Variants in GOLGA8G observed in about 807,000 individuals in gnomAD.
The protein encoded by GOLGA8G is golgin subfamily A member 8G.
A neutral mutation model predicts 12.8 loss-of-function variants in GOLGA8G; 1 was observed. That is an observed-to-expected ratio of 0.08 (90% CI 0.03 to 0.37). The LOEUF (loss-of-function observed/expected upper bound fraction) is 0.37, where lower values mean the gene tolerates loss of function less well. Ranked by LOEUF, GOLGA8G falls within the 10% of genes least tolerant of loss-of-function variation. The pLI is 0.99. For missense variants in GOLGA8G, 12 were observed against 97.4 expected, an observed-to-expected ratio of 0.12 and a Z score of 3.69; for synonymous variants, 9 against 36.7, an observed-to-expected ratio of 0.25 and a Z score of 2.73.
chr15:28,526,313 G>GGAAGCCTCTCCTGCTGCTCCT lies in GOLGA8G; in HGVS notation c.1091_1111dup (p.Gln364_Leu370dup). The GGAAGCCTCTCCTGCTGCTCCT allele has an allele frequency of 1.6e-5, 8 of 496,632 alleles. 2 individuals are homozygous for GGAAGCCTCTCCTGCTGCTCCT. Among genetic ancestry groups the GGAAGCCTCTCCTGCTGCTCCT allele is most frequent in the Admixed American group, 7.4e-5 (2 of 27,028 alleles). The allele number at this position is 496,632 out of a possible 1,614,324, so 30.8% of individuals were successfully genotyped here. A position where few individuals can be genotyped will look rare whatever the true frequency, so the allele number is the denominator to read the frequency against. On this transcript the variant is annotated inframe_insertion, in exon 12 of 19. Coordinates refer to ENST00000525590, the MANE Select transcript of GOLGA8G (RefSeq NM_001350919.3). ...CTGCTGAAGCCTCTCCTCCTGCTCT[G>GGAAGCCTCTCCTGCTGCTCCT]GAAGCCTCTCCTGCTGCTCCTGAAG...
At chr15:28,529,918 CA>C in intron 4 of GOLGA8G, 181 bp downstream of exon 4, 1 of 472,864 alleles carries the variant, frequency 2.1e-6, no homozygotes, top group South Asian at 2.1e-5. Context: ...AGTCAGCAAA[CA>C]GGGCAGCAAA....
In GOLGA8G at chr15:28,521,290, C is replaced by CTTTT; in HGVS notation, c.*1282_*1283insAAAA. 1 of 128,050 alleles carries CTTTT rather than the reference C, an allele frequency of 7.8e-6. No homozygotes were observed. The highest frequency in any genetic ancestry group is 1.6e-5 in the Non-Finnish European group (1 of 62,454). 7.9% of individuals were successfully genotyped at this position (128,050 alleles called of 1,614,324 possible). A position where few individuals can be genotyped will look rare whatever the true frequency, so the allele number is the denominator to read the frequency against. ...CTACTAAAACTCCTTTTTGTTTCAA[C>CTTTT]TAAGCACTCTCACATATATTAGTTT... is the stretch of plus-strand genomic sequence containing the variant. On this transcript the variant is annotated 3_prime_UTR_variant, in exon 19 of 19. Transcript: ENST00000525590.
chr15:28,531,396 GC>G (rs2078657114), intron 1 of GOLGA8G, among the ~76,000 whole-genome samples: 1 of 111,852 alleles, frequency 8.9e-6, no homozygotes, highest in Admixed American at 8.7e-5. Flanking sequence ...ATCATCAGCT[GC>G]CAGGGACCAA....
Position 28,521,260 on chromosome 15 carries a change from A to AAAG in GOLGA8G, c.*1312_*1313insCTT, listed in dbSNP as rs2078526913. On this transcript the variant is annotated 3_prime_UTR_variant, in exon 19 of 19. Transcript: ENST00000525590. The stretch of plus-strand genomic sequence containing the variant: ...CCTTGATTTTCAAAGATAGTATAAT[A>AAAG]CTGTCTACTAAAACTCCTTTTTGTT... The AAAG allele has an allele frequency of 8.6e-6, 1 of 116,290 alleles. No individual in the cohort carries two copies. The highest frequency in any genetic ancestry group is 1.7e-5 in the Non-Finnish European group (1 of 57,894). The allele number at this position is 116,290 out of a possible 1,614,324, so 7.2% of individuals were successfully genotyped here.
intron 1 of GOLGA8G, chr15:28,531,941 CT>C (rs1751270826): frequency 6.7e-6 from 1 of 148,812 alleles, no homozygotes; most frequent in Admixed American, 6.7e-5. Context: ...TAAAATCTCT[CT>C]GGAAAGTAGA....
chr15:28,532,720 G>T, intron 1 of GOLGA8G, 106 bp downstream of exon 1: 2 of 228,712 alleles, frequency 8.7e-6, no homozygotes, highest in Non-Finnish European at 1.3e-5. Flanking sequence ...CGGTGTGGGG[G>T]TCCCAGTCCG....
At chr15:28,529,801 A>AG (rs2078636457) in intron 4 of GOLGA8G, 1 of 612,338 alleles carries the variant, frequency 1.6e-6, no homozygotes, top group Non-Finnish European at 2.9e-6. Context: ...GAGTCATGGC[A>AG]GAAATACGGG....
Position 28,521,468 on chromosome 15 carries a change from G to A in GOLGA8G, c.*1105C>T, listed in dbSNP as rs2078532001. On this transcript the variant is annotated 3_prime_UTR_variant, in exon 19 of 19. Coordinates refer to ENST00000525590, the MANE Select transcript of GOLGA8G (RefSeq NM_001350919.3). ...CCTCAAAGAAGCTCCATGAACAGAG[G>A]AATGCCAGGTGTCACACAGCTTTCC... 2 of 151,726 alleles carry A rather than the reference G, an allele frequency of 1.3e-5. No individual in the cohort carries two copies. The highest frequency in any genetic ancestry group is 2.9e-5 in the Non-Finnish European group (2 of 68,028). 9.4% of individuals were successfully genotyped at this position (151,726 alleles called of 1,614,324 possible). A position where few individuals can be genotyped will look rare whatever the true frequency, so the allele number is the denominator to read the frequency against.
rs2078526376 is a variant in GOLGA8G at position 28,521,232 on chromosome 15, TCTC to T, written c.*1338_*1340del. On this transcript the variant is annotated 3_prime_UTR_variant, in exon 19 of 19. Coordinates refer to ENST00000525590, the MANE Select transcript of GOLGA8G (RefSeq NM_001350919.3). Reference sequence around the variant, plus strand: ...GTACACATTTTAAGTTGCATAAACTTCTCCTTGATTTTCAAAGATAGTATAATA... The same window carrying T: ...GTACACATTTTAAGTTGCATAAACTTCTTGATTTTCAAAGATAGTATAATA... The T allele has an allele frequency of 2.1e-5, 2 of 95,586 alleles. No homozygotes were observed. The highest frequency in any genetic ancestry group is 4.1e-5 in the Non-Finnish European group (2 of 48,874). The allele number at this position is 95,586 out of a possible 1,614,324, so 5.9% of individuals were successfully genotyped here. A position where few individuals can be genotyped will look rare whatever the true frequency, so the allele number is the denominator to read the frequency against.
rs1016091987 is a variant in GOLGA8G, at chr15:28,531,302, G to GA, written c.85-175dup. ...CTCAAAGAGATTGATATCATGGCTA[G>GA]AAAAAAAAAGAAGAAAAGAAAAAGG... On this transcript the variant is annotated intron_variant, in intron 1 of 18. Coordinates refer to ENST00000525590, the MANE Select transcript of GOLGA8G (RefSeq NM_001350919.3). 3.2e-4 allele frequency among the ~76,000 whole-genome samples: 34 copies of GA among 106,120 alleles called. 1 individual carries two copies. Among genetic ancestry groups the GA allele is most frequent in the African/African-American group, 1.1e-3 (31 of 27,016 alleles). The allele number at this position is 106,120 out of a possible 152,430, so 69.6% of individuals were successfully genotyped here.
chr15:28,526,602 A>C, intron 11 of GOLGA8G, 91 bp from the exon 12 acceptor site: 1 of 433,384 alleles, frequency 2.3e-6, no homozygotes. Context: ...CTTGGCGCAC[A>C]GCTCCTCTCC....
rs929339690 is a variant in GOLGA8G at position 28,519,958 on chromosome 15, G to A, written c.*2615C>T. On this transcript the variant is annotated 3_prime_UTR_variant, in exon 19 of 19. Coordinates refer to ENST00000525590, the MANE Select transcript of GOLGA8G (RefSeq NM_001350919.3). ...TTTAGAGAAACTATAGTATGGATAG[G>A]GCTGATTTACATTTTCAAATTTTCT... 2.0e-5 allele frequency: 3 copies of A among 152,212 alleles called. No individual in the cohort carries two copies. Among genetic ancestry groups the A allele is most frequent in the African/African-American group, 7.2e-5 (3 of 41,406 alleles). The allele number at this position is 152,212 out of a possible 1,614,324, so 9.4% of individuals were successfully genotyped here.
chr15:28,521,458 A>G lies in GOLGA8G; in HGVS notation c.*1115T>C, dbSNP rs1292927158. 6.6e-6 allele frequency: 1 copy of G among 151,552 alleles called. No individual in the cohort carries two copies. Among genetic ancestry groups the G allele is most frequent in the Non-Finnish European group, 1.5e-5 (1 of 68,004 alleles). 9.4% of individuals were successfully genotyped at this position (151,552 alleles called of 1,614,324 possible). ...AATCTTCAAGCCTCAAAGAAGCTCC[A>G]TGAACAGAGGAATGCCAGGTGTCAC... On this transcript the variant is annotated 3_prime_UTR_variant, in exon 19 of 19. Coordinates refer to ENST00000525590, the MANE Select transcript of GOLGA8G (RefSeq NM_001350919.3).
At position 28,522,113 on chromosome 15, in the gene GOLGA8G, C is replaced by T; in HGVS notation, c.*460G>A. ...CACTTGGGGCAAACCACATATTGTG[C>T]TAATGAAGAGCTCACTGTGATTAAG... On this transcript the variant is annotated 3_prime_UTR_variant, in exon 19 of 19. Transcript: ENST00000525590. The T allele has an allele frequency of 2.6e-5, 1 of 38,096 alleles. No homozygotes were observed. The highest frequency in any genetic ancestry group is 4.1e-5 in the Non-Finnish European group (1 of 24,500). The allele number at this position is 38,096 out of a possible 1,614,324, so 2.4% of individuals were successfully genotyped here.
chr15:28,529,838 C>G (rs2078637419), intron 4 of GOLGA8G: 1 of 616,988 alleles, frequency 1.6e-6, no homozygotes, highest in Non-Finnish European at 2.9e-6. Context: ...CAGGCTAGCA[C>G]TTCCCCAAGA....
intron 11 of GOLGA8G, 24 bp from the exon 12 acceptor site, chr15:28,526,535 G>A: frequency 3.3e-6 from 2 of 611,262 alleles, no homozygotes; most frequent in South Asian, 1.9e-5. Context: ...CAGACAATAA[G>A]AGCCTCTGGA....
At chr15:28,526,629 C>T in intron 11 of GOLGA8G, 118 bp from the exon 12 acceptor site, 1 of 374,524 alleles carries the variant, frequency 2.7e-6, no homozygotes, top group Non-Finnish European at 4.2e-6. Flanking sequence ...TCAAACTTAG[C>T]CTCACTGCTA....
rs1448137435 is a variant in GOLGA8G at position 28,532,956 on chromosome 15, A to G, written c.-47T>C. 2 of 502,750 alleles carry G rather than the reference A, an allele frequency of 4.0e-6. No homozygotes were observed. Among genetic ancestry groups the G allele is most frequent in the Admixed American group, 3.7e-5 (1 of 27,088 alleles). 31.1% of individuals were successfully genotyped at this position (502,750 alleles called of 1,614,324 possible). On this transcript the variant is annotated 5_prime_UTR_variant, in exon 1 of 19. Transcript: ENST00000525590. ...TGATCAACACCTCCAGTCACCTACC[A>G]GGTAGCTGTGCGACTGAGCCAGAGG...
intron 15 of GOLGA8G, 61 bp downstream of exon 15, chr15:28,523,881 AG>A (rs950702285): frequency 2.8e-6 from 1 of 355,736 alleles, no homozygotes; most frequent in Non-Finnish European, 5.3e-6. Flanking sequence ...AAGAGCATAA[AG>A]GGGTCTTGGA....
Sources: gnomAD v4.1 joint callset for allele counts (sites outside exome capture counted in the v4.1 genomes callset) on GRCh38, gnomAD v4.1.1 for gene constraint, MANE v1.5 for transcripts, NCBI Gene and HGNC (gene_info 2026-07-23, HGNC 2026-07-21) for gene names.